Variants in MCM5 observed in about 807,000 individuals in gnomAD.
MCM5 encodes minichromosome maintenance complex component 5, also known as DNA replication licensing factor MCM5.
MCM5 carries 46 observed loss-of-function variants against 79.9 expected under a neutral mutation model. That is an observed-to-expected ratio of 0.58 (90% CI 0.45 to 0.74). The LOEUF is 0.74. Among genes scored for constraint, MCM5 ranks in the 30% least tolerant of loss-of-function variants. The probability of loss-of-function intolerance (pLI) is 0.00; values close to 1 mark genes in which losing one functional copy is unlikely to be tolerated. For missense variants in MCM5, 883 were observed against 1,017.0 expected (o/e 0.87, Z 1.79); for synonymous variants, 404 against 390.5 (o/e 1.03, Z -0.41).
At chr22:35,445,671 G>A in the MCM5 span, among the ~76,000 whole-genome samples, 1 of 151,962 alleles carries the variant, frequency 6.6e-6, no homozygotes, top group Non-Finnish European at 1.5e-5. Flanking sequence ...CACCATGCCT[G>A]GCTAATTTTT....
At chr22:35,415,741 C>A in intron 9 of MCM5, 88 bp from the exon 10 acceptor site, 1 of 1,467,834 alleles carries the variant, frequency 6.8e-7, no homozygotes, top group Non-Finnish European at 9.3e-7. Context: ...TGACCTTGGG[C>A]AAATCACAAC....
At chr22:35,416,865 T>G in intron 12 of MCM5, 51 bp downstream of exon 12, 1 of 1,584,830 alleles carries the variant, frequency 6.3e-7, no homozygotes, top group Non-Finnish European at 8.6e-7. Flanking sequence ...CCAGGCAGGC[T>G]TGTGATTGTG....
intron 8 of MCM5, 124 bp downstream of exon 8, chr22:35,412,805 G>A: frequency 1.1e-6 from 1 of 874,000 alleles, no homozygotes; most frequent in Non-Finnish European, 1.5e-6. Flanking sequence ...CAGTCTGCCA[G>A]GCACCTTTGC....
chr22:35,404,661 T>C (rs986344192), intron 4 of MCM5, among the ~76,000 whole-genome samples: 3 of 152,236 alleles, frequency 2.0e-5, no homozygotes, highest in Non-Finnish European at 4.4e-5. Flanking sequence ...TTTATTGTAA[T>C]GATGCAGGCA....
chr22:35,425,849 GTGC>G (rs141959406), downstream of MCM5, among the ~76,000 whole-genome samples: 346 of 152,154 alleles, frequency 2.3e-3, no homozygotes, highest in Non-Finnish European at 3.7e-3. Flanking sequence ...GTGGTGGGTG[GTGC>G]TGCTGTGGTC....
chr22:35,426,230 G>A (rs1010111613), downstream of MCM5, among the ~76,000 whole-genome samples: 13 of 152,220 alleles, frequency 8.5e-5, no homozygotes, highest in Non-Finnish European at 1.9e-4. Context: ...TCTCCTTCCA[G>A]ATCGGGGCAG....
chr22:35,401,119 C>T (rs1486941288), intron 2 of MCM5, among the ~76,000 whole-genome samples: 1 of 152,222 alleles, frequency 6.6e-6, no homozygotes, highest in Non-Finnish European at 1.5e-5. Context: ...CGTGCCCGGC[C>T]TGCTTTGTGT....
the MCM5 span, among the ~76,000 whole-genome samples, chr22:35,448,701 T>A: frequency 1.3e-5 from 2 of 152,156 alleles, no homozygotes; most frequent in African/African-American, 4.8e-5. Context: ...TCATCTATTA[T>A]CATAATAATG....
chr22:35,421,528 G>T (rs1234723846), intron 15 of MCM5, 68 bp downstream of exon 15: 1 of 1,595,492 alleles, frequency 6.3e-7, no homozygotes, highest in South Asian at 1.1e-5. Flanking sequence ...TGTGGGCAGG[G>T]CTCTGGCCTG....
intron 16 of MCM5, 185 bp downstream of exon 16, chr22:35,423,526 G>A (rs1433346344): frequency 9.4e-6 from 5 of 534,456 alleles, no homozygotes; most frequent in Non-Finnish European, 1.5e-5. Context: ...TTCATCAGGA[G>A]CAGGGATGGG....
At chr22:35,453,853 G>GAT in the MCM5 span, among the ~76,000 whole-genome samples, 2 of 149,662 alleles carry the variant, frequency 1.3e-5, no homozygotes, top group African/African-American at 2.5e-5. Flanking sequence ...GAGAGATAGG[G>GAT]AGAGGGAGAG....
At chr22:35,454,190 C>T in the MCM5 span, among the ~76,000 whole-genome samples, 1 of 152,088 alleles carries the variant, frequency 6.6e-6, no homozygotes, top group Non-Finnish European at 1.5e-5. Flanking sequence ...ACGCCTTCCC[C>T]TTCACCACCT....
chr22:35,416,369 G>C lies in MCM5; in HGVS notation c.1378G>C (p.Glu460Gln). Residue 460 changes from glutamate to glutamine, a missense_variant, in exon 11 of 17, where the codon GAA becomes CAA. By Grantham distance (29) the Glu-to-Gln change is conservative. This residue lies in a region of MCM5 where 426 missense variants were observed against 482.3 expected (regional missense o/e 0.88). Coordinates refer to ENST00000216122, the MANE Select transcript of MCM5 (RefSeq NM_006739.4). ...AGAAGATGACCGTGTGGCAATCCACGAAGCCATGGAGCAGCAGACCATCTC... is the reference window on the plus strand; with the variant it reads ...AGAAGATGACCGTGTGGCAATCCACCAAGCCATGGAGCAGCAGACCATCTC... Reference protein sequence around the residue: ...MREDDRVAIHEAMEQQTISIA... With the variant: ...MREDDRVAIHQAMEQQTISIA... 6.2e-7 allele frequency: 1 copy of C among 1,613,370 alleles called. No homozygotes were observed. Among genetic ancestry groups the C allele is most frequent in the South Asian group, 1.1e-5 (1 of 91,084 alleles).
Position 35,406,717 on chromosome 22 carries a change from G to A in MCM5, c.588G>A (p.Lys196=), listed in dbSNP as rs771087991. 9 of 1,607,092 alleles carry A rather than the reference G, an allele frequency of 5.6e-6. No homozygotes were observed. The African/African-American group carries it at 1.2e-4, about 21-fold the overall frequency. The change falls in exon 5 of 17, where the codon AAG becomes AAA. Residue 196 remains lysine, a synonymous_variant. Coordinates refer to ENST00000216122, the MANE Select transcript of MCM5 (RefSeq NM_006739.4). ...TCGAGGGCTATGCCCTGCCCAGGAA[G>A]TGCAACACGTGAGTCTGTGGCCCAG... is the stretch of plus-strand genomic sequence containing the variant. ...PGLEGYALPR[K]CNTDQAGRPK... is the part of the protein sequence containing the mutation.
At chr22:35,407,293 T>C (rs1185890223) in intron 5 of MCM5, among the ~76,000 whole-genome samples, 2 of 152,134 alleles carry the variant, frequency 1.3e-5, no homozygotes, top group African/African-American at 2.4e-5. Flanking sequence ...CATCCACCTG[T>C]GGCACAGCTG....
chr22:35,439,525 A>G, the MCM5 span, among the ~76,000 whole-genome samples: 7 of 151,774 alleles, frequency 4.6e-5, no homozygotes, highest in African/African-American at 1.7e-4. Flanking sequence ...TCATCCACCC[A>G]CATGTCCATC....
At chr22:35,451,282 C>CG in the MCM5 span, among the ~76,000 whole-genome samples, 2 of 151,904 alleles carry the variant, frequency 1.3e-5, no homozygotes, top group African/African-American at 4.8e-5. Flanking sequence ...TGAAGAATGA[C>CG]GGGAGAACCA....
In MCM5 at chr22:35,408,525, C is replaced by T. The variant is rs1291980416; in HGVS notation, c.714C>T (p.His238=). The T allele has an allele frequency of 1.6e-5, 26 of 1,613,952 alleles. No individual in the cohort carries two copies. The highest frequency in any genetic ancestry group is 6.7e-5 in the East Asian group (3 of 44,888). ...KLQELPDAVP[H]GEMPRHMQLY... ...AGGAGCTGCCTGATGCAGTCCCCCA[C>T]GGGGAGATGCCCAGACACATGCAGC... Residue 238 remains histidine, a synonymous_variant, in exon 6 of 17, where the codon CAC becomes CAT. Coordinates refer to ENST00000216122, the MANE Select transcript of MCM5 (RefSeq NM_006739.4).
chr22:35,426,277 T>G (rs1569072282), downstream of MCM5, among the ~76,000 whole-genome samples: 1 of 152,128 alleles, frequency 6.6e-6, no homozygotes, highest in Non-Finnish European at 1.5e-5. Flanking sequence ...GGGAAACACC[T>G]GCTTGTTGGG....
Sources: allele counts gnomAD v4.1 joint callset (sites outside exome capture counted in the v4.1 genomes callset), GRCh38; gene constraint gnomAD v4.1.1; regional missense constraint gnomAD v4.1.1; transcripts MANE v1.5; gene names NCBI Gene and HGNC (gene_info 2026-07-23, HGNC 2026-07-21).